Variants in DUSP29 observed in about 807,000 individuals in gnomAD.
DUSP29 encodes the protein atypical dual-specific protein phosphatase.
Under a neutral mutation model 13.5 loss-of-function variants are expected in DUSP29, and 12 were observed. The ratio of observed to expected loss-of-function variants is 0.89; its 90% confidence interval spans 0.57 to 1.44. The LOEUF (loss-of-function observed/expected upper bound fraction) is 1.44, where lower values mean the gene tolerates loss of function less well. Among genes scored for constraint, DUSP29 ranks in the 40% most tolerant of loss-of-function variants. DUSP29 has a pLI of 0.00. For synonymous variants in DUSP29, 134 were observed against 128.7 expected (o/e 1.04, Z -0.28); for missense variants, 308 against 301.1 (o/e 1.02, Z -0.17).
intron 1 of DUSP29, among the ~76,000 whole-genome samples, chr10:75,066,686 C>CA (rs1244340150): frequency 9.2e-5 from 14 of 152,096 alleles, no homozygotes; most frequent in Admixed American, 1.3e-4. Flanking sequence ...GAAGCTCACC[C>CA]AAAACCCCCG....
chr10:75,037,956 G>A lies in DUSP29; in HGVS notation c.543C>T (p.Arg181=). The change falls in exon 4 of 4, where the codon CGC becomes CGT. Residue 181 remains arginine (R), a synonymous_variant. Transcript: ENST00000338487. The part of the protein sequence containing the change: ...VDAIQQVAKN[R]CVLPNRGFLK... Reference sequence around the variant, plus strand: ...AAAAGCCCCGGTTCGGGAGGACGCAGCGGTTCTTGGCCACTTGCTGGATGG... The same window carrying A: ...AAAAGCCCCGGTTCGGGAGGACGCAACGGTTCTTGGCCACTTGCTGGATGG... 6.2e-7 allele frequency: 1 copy of A among 1,613,992 alleles called. No individual in the cohort carries two copies. Among genetic ancestry groups the A allele is most frequent in the Non-Finnish European group, 8.5e-7 (1 of 1,180,040 alleles).
At chr10:75,063,397 C>T (rs1847130919) in intron 1 of DUSP29, among the ~76,000 whole-genome samples, 1 of 151,980 alleles carries the variant, frequency 6.6e-6, no homozygotes, top group South Asian at 2.1e-4. Flanking sequence ...AAAAGCCTTC[C>T]TACCTCAGAT....
intron 3 of DUSP29, 96 bp downstream of exon 3, chr10:75,043,701 A>C: frequency 1.9e-6 from 2 of 1,035,722 alleles, no homozygotes; most frequent in South Asian, 3.1e-5. Context: ...GCGGAGCCTT[A>C]GTGGGGCGGG....
At chr10:75,043,603 C>A (rs1477696881) in intron 3 of DUSP29, among the ~76,000 whole-genome samples, 194 bp downstream of exon 3, 2 of 152,202 alleles carry the variant, frequency 1.3e-5, no homozygotes, top group African/African-American at 4.8e-5. Flanking sequence ...CCCAGCTTTG[C>A]GACAAAGATT....
chr10:75,040,684 C>T (rs767818635), intron 3 of DUSP29, among the ~76,000 whole-genome samples: 40 of 152,148 alleles, frequency 2.6e-4, no homozygotes, highest in Admixed American at 5.9e-4. Flanking sequence ...AAGGAATCCC[C>T]GCTGGTAGGC....
At chr10:75,060,339 G>A (rs1454421693) in intron 1 of DUSP29, among the ~76,000 whole-genome samples, 1 of 151,934 alleles carries the variant, frequency 6.6e-6, no homozygotes, top group East Asian at 1.9e-4. Flanking sequence ...GTGTGGTGGT[G>A]CATGCCTGTA....
At chr10:75,048,585 A>G (rs1382297131) in intron 2 of DUSP29, among the ~76,000 whole-genome samples, 1 of 152,030 alleles carries the variant, frequency 6.6e-6, no homozygotes, top group Admixed American at 6.6e-5. Flanking sequence ...TTTTTAGTAG[A>G]GACAGGGTTT....
chr10:75,039,401 G>A (rs1435392666), intron 3 of DUSP29, among the ~76,000 whole-genome samples: 1 of 152,058 alleles, frequency 6.6e-6, no homozygotes, highest in African/African-American at 2.4e-5. Context: ...CTGTAGTCCC[G>A]GCTACTCAGG....
chr10:75,071,783 T>C (rs1416233692), intron 1 of DUSP29, among the ~76,000 whole-genome samples: 1 of 152,118 alleles, frequency 6.6e-6, no homozygotes, highest in Non-Finnish European at 1.5e-5. Context: ...ACCCAAATGT[T>C]ATATTTTCCA....
chr10:75,072,577 G>A (rs548240771), intron 1 of DUSP29, among the ~76,000 whole-genome samples: 16 of 152,032 alleles, frequency 1.1e-4, no homozygotes, highest in African/African-American at 3.4e-4. Context: ...CGGATTTGTC[G>A]GTGGGACCAA....
intron 2 of DUSP29, among the ~76,000 whole-genome samples, chr10:75,051,748 G>A (rs1257536053): frequency 1.3e-5 from 2 of 152,240 alleles, no homozygotes; most frequent in African/African-American, 4.8e-5. Flanking sequence ...CTGAGGCTTT[G>A]TGCATGAGGA....
intron 1 of DUSP29, among the ~76,000 whole-genome samples, chr10:75,066,669 C>A (rs1014435808): frequency 1.3e-5 from 2 of 152,058 alleles, no homozygotes; most frequent in African/African-American, 2.4e-5. Context: ...GTGTTCTGCA[C>A]GGAGTAGAAG....
At chr10:75,058,848 C>T (rs966227570) in intron 1 of DUSP29, among the ~76,000 whole-genome samples, 9 of 152,192 alleles carry the variant, frequency 5.9e-5, no homozygotes, top group Non-Finnish European at 1.0e-4. Flanking sequence ...TCCTTCCCAC[C>T]TTTCTTTAGA....
At chr10:75,059,282 G>C (rs1194053212) in intron 1 of DUSP29, among the ~76,000 whole-genome samples, 1 of 152,164 alleles carries the variant, frequency 6.6e-6, no homozygotes, top group Admixed American at 6.5e-5. Context: ...TCTGCCAGTG[G>C]AATGTGGGAG....
intron 3 of DUSP29, 51 bp downstream of exon 3, chr10:75,043,746 T>C: frequency 8.3e-7 from 1 of 1,203,012 alleles, no homozygotes; most frequent in South Asian, 1.3e-5. Flanking sequence ...GCGGGGCGAG[T>C]CGGGGCGGGG....
intron 1 of DUSP29, among the ~76,000 whole-genome samples, chr10:75,062,015 G>A (rs933077377): frequency 1.3e-5 from 2 of 152,186 alleles, no homozygotes; most frequent in African/African-American, 4.8e-5. Context: ...CCTCCCCCAC[G>A]GGTGGTCATT....
At chr10:75,067,168 C>T (rs1847221856) in intron 1 of DUSP29, among the ~76,000 whole-genome samples, 1 of 151,918 alleles carries the variant, frequency 6.6e-6, no homozygotes, top group Non-Finnish European at 1.5e-5. Flanking sequence ...TCATGTTGAC[C>T]AGGCTGGTCT....
At chr10:75,063,840 G>A (rs1403025645) in intron 1 of DUSP29, among the ~76,000 whole-genome samples, 6 of 152,016 alleles carry the variant, frequency 3.9e-5, no homozygotes, top group East Asian at 1.9e-4. Flanking sequence ...ACATCACATC[G>A]TATCCCACAA....
intron 1 of DUSP29, among the ~76,000 whole-genome samples, chr10:75,061,873 G>C (rs1488694389): frequency 1.3e-5 from 2 of 152,210 alleles, no homozygotes; most frequent in African/African-American, 4.8e-5. Context: ...AGTGACTGAG[G>C]GGTGAAGGAA....
Sources: allele counts gnomAD v4.1 joint callset (sites outside exome capture counted in the v4.1 genomes callset), GRCh38; gene constraint gnomAD v4.1.1; transcripts MANE v1.5; gene names NCBI Gene and HGNC (gene_info 2026-07-23, HGNC 2026-07-21).